The following KPNA1 variants were observed in gnomAD, a reference collection of about 807,000 sequenced individuals.
KPNA1 encodes importin subunit alpha-5.
Under a neutral mutation model 70.5 loss-of-function variants are expected in KPNA1, and 10 were observed. The observed-to-expected ratio is 0.14, with a 90% CI of 0.09 to 0.24. The LOEUF (loss-of-function observed/expected upper bound fraction) is 0.24. KPNA1 is among the 10% of genes least tolerant of loss of function. KPNA1 has a pLI of 1.00. For missense variants in KPNA1, 397 were observed against 637.9 expected, an observed-to-expected ratio of 0.62 and a Z score of 4.07; for synonymous variants, 192 against 221.9, an observed-to-expected ratio of 0.87 and a Z score of 1.20.
intron 1 of KPNA1, among the ~76,000 whole-genome samples, chr3:122,497,898 T>C (rs2076782310): frequency 6.6e-6 from 1 of 152,220 alleles, no homozygotes; most frequent in Non-Finnish European, 1.5e-5. Flanking sequence ...ACACAGAAGT[T>C]TTAATTTTGA....
intron 2 of KPNA1, among the ~76,000 whole-genome samples, chr3:122,483,574 ACCT>A (rs1361630385): frequency 6.6e-6 from 1 of 152,080 alleles, no homozygotes; most frequent in Non-Finnish European, 1.5e-5. Context: ...TGAACTCCTG[ACCT>A]CAGCTGATCC....
At chr3:122,481,640 C>T (rs1308320348) in intron 2 of KPNA1, among the ~76,000 whole-genome samples, 1 of 152,220 alleles carries the variant, frequency 6.6e-6, no homozygotes, top group Non-Finnish European at 1.5e-5. Flanking sequence ...CTAAAAACCA[C>T]TGAATTACAC....
chr3:122,482,663 T>A (rs1418194124), intron 2 of KPNA1, among the ~76,000 whole-genome samples: 2 of 152,040 alleles, frequency 1.3e-5, no homozygotes, highest in Non-Finnish European at 2.9e-5. Context: ...CTTTAGGAGA[T>A]CAATATACAA....
intron 5 of KPNA1, among the ~76,000 whole-genome samples, chr3:122,455,567 T>C (rs2107740016): frequency 6.6e-6 from 1 of 152,272 alleles, no homozygotes; most frequent in East Asian, 1.9e-4. Flanking sequence ...CTTTTTTTTC[T>C]TTTTTGAGAC....
At chr3:122,441,423 C>G (rs2076060674) in intron 10 of KPNA1, among the ~76,000 whole-genome samples, 1 of 152,244 alleles carries the variant, frequency 6.6e-6, no homozygotes, top group Middle Eastern at 3.4e-3. Context: ...ATGAAAAAGA[C>G]AGAGAAAAGA....
intron 2 of KPNA1, among the ~76,000 whole-genome samples, chr3:122,473,976 C>T (rs2076470860): frequency 6.6e-6 from 1 of 152,166 alleles, no homozygotes; most frequent in Admixed American, 6.5e-5. Context: ...AATAAAAAAA[C>T]CTCTGGAACT....
chr3:122,513,045 G>A (rs531175683), intron 1 of KPNA1, among the ~76,000 whole-genome samples: 4 of 152,276 alleles, frequency 2.6e-5, no homozygotes, highest in Middle Eastern at 3.4e-3. Context: ...CCCAAGTCTA[G>A]AAGATCACTC....
intron 1 of KPNA1, among the ~76,000 whole-genome samples, chr3:122,512,377 A>G (rs926903894): frequency 6.6e-6 from 1 of 152,252 alleles, no homozygotes; most frequent in Non-Finnish European, 1.5e-5. Flanking sequence ...GATAAGATGT[A>G]TATTAAATCA....
At chr3:122,460,036 C>G (rs965948428) in intron 5 of KPNA1, 3 of 985,226 alleles carry the variant, frequency 3.0e-6, no homozygotes, top group Non-Finnish European at 3.6e-6. Context: ...CTTTGATTAA[C>G]TAGTTTTTGG....
intron 9 of KPNA1, among the ~76,000 whole-genome samples, chr3:122,445,493 C>A (rs2076125071): frequency 6.6e-6 from 1 of 152,168 alleles, no homozygotes; most frequent in South Asian, 2.1e-4. Flanking sequence ...CACCACCAGG[C>A]CTGCCTTGCA....
chr3:122,491,822 G>A (rs1322977738), intron 2 of KPNA1, among the ~76,000 whole-genome samples: 1 of 146,234 alleles, frequency 6.8e-6, no homozygotes, highest in Admixed American at 6.9e-5. Context: ...GGTGAGCTAA[G>A]CATGCAAAGC....
At position 122,426,920 on chromosome 3, in the gene KPNA1, G is replaced by A; in HGVS notation, c.*65C>T. On this transcript the variant is annotated 3_prime_UTR_variant, in exon 14 of 14. Transcript: ENST00000344337. ...GAAGTTAGCTCCATGAGGACTGTGG[G>A]CTCCACAAGAGGACTCGACTGGGTA... 1 of 1,295,984 alleles carries A rather than the reference G, an allele frequency of 7.7e-7. No individual in the cohort carries two copies. The allele number at this position is 1,295,984 out of a possible 1,614,324, so 80.3% of individuals were successfully genotyped here. A position where few individuals can be genotyped will look rare whatever the true frequency, so the allele number is the denominator to read the frequency against.
chr3:122,457,366 C>T (rs1036400819), intron 5 of KPNA1, among the ~76,000 whole-genome samples: 5 of 149,126 alleles, frequency 3.4e-5, no homozygotes, highest in African/African-American at 1.2e-4. Context: ...AAGTAAGCAA[C>T]CCTGTTACCA....
chr3:122,463,864 T>C, intron 4 of KPNA1, 78 bp downstream of exon 4: 1 of 626,982 alleles, frequency 1.6e-6, no homozygotes, highest in Non-Finnish European at 2.8e-6. Flanking sequence ...ACAAATTACC[T>C]GTGGTATGAA....
chr3:122,454,566 T>C (rs923587444), intron 5 of KPNA1, among the ~76,000 whole-genome samples: 2 of 152,236 alleles, frequency 1.3e-5, no homozygotes, highest in Admixed American at 6.5e-5. Flanking sequence ...TTCTGTAGAA[T>C]GGGCAAAGTA....
intron 2 of KPNA1, among the ~76,000 whole-genome samples, chr3:122,489,608 C>T (rs1000130889): frequency 6.6e-6 from 1 of 152,122 alleles, no homozygotes; most frequent in Non-Finnish European, 1.5e-5. Flanking sequence ...ACTTTTTGAA[C>T]ACATGGAATA....
chr3:122,446,115 C>T (rs1044020779), intron 9 of KPNA1, among the ~76,000 whole-genome samples: 2 of 152,176 alleles, frequency 1.3e-5, no homozygotes, highest in African/African-American at 4.8e-5. Context: ...CAGATCAACA[C>T]GACAGAAGGT....
At chr3:122,445,473 C>CA (rs959814545) in intron 9 of KPNA1, among the ~76,000 whole-genome samples, 54 of 152,224 alleles carry the variant, frequency 3.5e-4, no homozygotes, top group African/African-American at 1.3e-3. Flanking sequence ...CAAATGCTGA[C>CA]AGAGTTTGTC....
intron 5 of KPNA1, chr3:122,460,636 CAAGAAA>C: frequency 1.7e-6 from 1 of 596,056 alleles, no homozygotes; most frequent in Non-Finnish European, 2.1e-6. Context: ...GACTCTGTCT[CAAGAAA>C]AAGAAGAAAA....
Sources: gnomAD v4.1 joint callset for allele counts (sites outside exome capture counted in the v4.1 genomes callset) on GRCh38, gnomAD v4.1.1 for gene constraint, MANE v1.5 for transcripts, NCBI Gene and HGNC (gene_info 2026-07-23, HGNC 2026-07-21) for gene names.